The following SANBR variants were observed in gnomAD, a reference collection of about 807,000 sequenced individuals.
The protein encoded by SANBR is SANT and BTB domain regulator of CSR.
A neutral mutation model predicts 101.8 loss-of-function variants in SANBR; 77 were observed. The ratio of observed to expected loss-of-function variants is 0.76; its 90% CI spans 0.63 to 0.91. The LOEUF (loss-of-function observed/expected upper bound fraction) is 0.91, where lower values mean the gene tolerates loss of function less well. SANBR is among the 40% of genes least tolerant of loss of function. The pLI is 0.00. For synonymous variants in SANBR, 279 were observed against 274.7 expected, an observed-to-expected ratio of 1.02 and a Z score of -0.15; for missense variants, 875 against 853.0, an observed-to-expected ratio of 1.03 and a Z score of -0.32.
intron 6 of SANBR, 53 bp downstream of exon 6, chr2:61,077,211 A>G (rs1424356539): frequency 7.8e-7 from 1 of 1,281,978 alleles, no homozygotes; most frequent in African/African-American, 1.5e-5. Flanking sequence ...GTCACCTGGT[A>G]GTTTCTTCAG....
At chr2:61,066,722 T>A (rs1245727294) in intron 1 of SANBR, among the ~76,000 whole-genome samples, 1 of 152,208 alleles carries the variant, frequency 6.6e-6, no homozygotes, top group African/African-American at 2.4e-5. Context: ...CTTTTTTTTC[T>A]ATTTGAAATA....
chr2:61,097,783 T>G lies in SANBR; in HGVS notation c.1296T>G (p.Thr432=). ...VYPTAASSLN[T]VGTGIYPCCN... ...CTACTGCAGCAAGTTCATTGAATAC[T>G]GTTGGCACTGGAATTTATCCCTGCT... Residue 432 remains threonine (T), a synonymous_variant, in exon 12 of 22, where the codon ACT becomes ACG. Coordinates refer to ENST00000402291, the MANE Select transcript of SANBR (RefSeq NM_001129993.3). The G allele has an allele frequency of 6.2e-7, 1 of 1,613,512 alleles. No homozygotes were observed. The highest frequency in any genetic ancestry group is 8.5e-7 in the Non-Finnish European group (1 of 1,179,580).
chr2:61,129,858 A>G (rs1684632542), intron 20 of SANBR, among the ~76,000 whole-genome samples: 2 of 152,158 alleles, frequency 1.3e-5, no homozygotes, highest in Non-Finnish European at 2.9e-5. Context: ...AATAAAAGCT[A>G]TAAATATATT....
At chr2:61,129,132 C>CA (rs1337227555), downstream of SANBR, among the ~76,000 whole-genome samples, 1 of 152,056 alleles carries the variant, frequency 6.6e-6, no homozygotes, top group Non-Finnish European at 1.5e-5. Context: ...ACCCACCTTA[C>CA]AAAAAATACT....
chr2:61,117,563 T>C (rs766801978), intron 19 of SANBR, 23 bp downstream of exon 19: 2 of 1,567,300 alleles, frequency 1.3e-6, no homozygotes, highest in Admixed American at 3.3e-5. Flanking sequence ...ATTTGGGTAA[T>C]GTACAAATTG....
chr2:61,089,099 G>C (rs540056970), intron 10 of SANBR: 10 of 982,472 alleles, frequency 1.0e-5, no homozygotes, highest in Non-Finnish European at 1.2e-5. Context: ...CTGTACAAAT[G>C]TTATATTGAA....
At chr2:61,120,764 G>A (rs1378314490) in intron 20 of SANBR, among the ~76,000 whole-genome samples, 2 of 152,084 alleles carry the variant, frequency 1.3e-5, no homozygotes, top group African/African-American at 4.8e-5. Context: ...GCATCAATAT[G>A]GATGAATCTC....
At chr2:61,067,245 G>A (rs531933996) in intron 1 of SANBR, among the ~76,000 whole-genome samples, 2 of 152,276 alleles carry the variant, frequency 1.3e-5, no homozygotes, top group South Asian at 2.1e-4. Context: ...TCATTTGGAT[G>A]ATTTAAAGTA....
Position 61,106,554 on chromosome 2 carries a change from T to A in SANBR, c.1512-9T>A, listed in dbSNP as rs1194564912. The A allele has an allele frequency of 1.3e-6, 2 of 1,558,898 alleles. No individual in the cohort carries two copies. The highest frequency in any genetic ancestry group is 1.7e-6 in the Non-Finnish European group (2 of 1,146,456). On this transcript the variant is annotated splice_polypyrimidine_tract_variant and intron_variant, in intron 13 of 21. Coordinates refer to ENST00000402291, the MANE Select transcript of SANBR (RefSeq NM_001129993.3). ...ACTCTTCTCCGTAAAAATGTCTTTT[T>A]CTTTCAAGTGATGTTGGGGTTGGCC...
At chr2:61,135,443 A>G (rs1239809778) in intron 21 of SANBR, among the ~76,000 whole-genome samples, 1 of 152,230 alleles carries the variant, frequency 6.6e-6, no homozygotes, top group Non-Finnish European at 1.5e-5. Flanking sequence ...AATGAATAAG[A>G]GTTAATGCCT....
At chr2:61,086,067 A>G (rs567908961) in intron 8 of SANBR, among the ~76,000 whole-genome samples, 4 of 152,338 alleles carry the variant, frequency 2.6e-5, no homozygotes, top group South Asian at 4.1e-4. Flanking sequence ...TCAATCCATG[A>G]ATATGGTATA....
chr2:61,128,448 A>G (rs1182731059), downstream of SANBR, among the ~76,000 whole-genome samples: 2 of 152,028 alleles, frequency 1.3e-5, no homozygotes, highest in East Asian at 3.9e-4. Context: ...TGAGGCTAAG[A>G]GTTCAAGACC....
intron 16 of SANBR, among the ~76,000 whole-genome samples, chr2:61,110,403 G>C (rs1470009434): frequency 1.3e-5 from 2 of 150,074 alleles, no homozygotes; most frequent in Non-Finnish European, 3.0e-5. Flanking sequence ...AATTAGGCCG[G>C]GCACGATGGC....
chr2:61,080,345 C>A (rs926280796), intron 6 of SANBR, among the ~76,000 whole-genome samples: 2 of 152,156 alleles, frequency 1.3e-5, no homozygotes, highest in Non-Finnish European at 2.9e-5. Flanking sequence ...TAATAACCTG[C>A]CACTGGTTCC....
intron 20 of SANBR, among the ~76,000 whole-genome samples, chr2:61,119,962 C>G (rs966353293): frequency 6.6e-6 from 1 of 151,734 alleles, no homozygotes; most frequent in Non-Finnish European, 1.5e-5. Flanking sequence ...ACCCTGTCTC[C>G]AAAGGGAAAA....
intron 7 of SANBR, among the ~76,000 whole-genome samples, chr2:61,081,999 T>C (rs1204798818): frequency 6.6e-6 from 1 of 152,142 alleles, no homozygotes; most frequent in African/African-American, 2.4e-5. Context: ...ATTTGACTCT[T>C]TGGGGTTTGT....
chr2:61,071,742 A>G lies in SANBR; in HGVS notation c.287A>G (p.His96Arg). ...TYIKSSLLDI[H>R]GEFQETPVGH... ...ATCAAATCCTCACTTCTTGACATAC[A>G]TGGAGAATTTCAGGAGACTCCAGTT... The change falls in exon 4 of 22, where the codon CAT becomes CGT. Residue 96 changes from histidine to arginine, a missense_variant. His to Arg is a conservative substitution (Grantham distance 29). Transcript: ENST00000402291. The G allele has an allele frequency of 6.2e-7, 1 of 1,604,446 alleles. No homozygotes were observed. The highest frequency in any genetic ancestry group is 2.2e-5 in the East Asian group (1 of 44,670).
At chr2:61,094,638 CTTTTTTTTT>C (rs35061669) in intron 11 of SANBR, among the ~76,000 whole-genome samples, 2 of 79,000 alleles carry the variant, frequency 2.5e-5, no homozygotes, top group South Asian at 7.7e-4. Flanking sequence ...TATTTCTCTT[CTTTTTTTTT>C]TTTTTTTTTT....
At chr2:61,094,715 C>A (rs1682945080) in intron 11 of SANBR, among the ~76,000 whole-genome samples, 1 of 139,734 alleles carries the variant, frequency 7.2e-6, no homozygotes, top group South Asian at 2.2e-4. Context: ...GCCATCTTGG[C>A]TCACTGCAAC....
Sources: gnomAD v4.1 joint callset for allele counts (sites outside exome capture counted in the v4.1 genomes callset) on GRCh38, gnomAD v4.1.1 for gene constraint, MANE v1.5 for transcripts, NCBI Gene and HGNC (gene_info 2026-07-23, HGNC 2026-07-21) for gene names.